RAD51B: variants seen among roughly 807,000 people sequenced by gnomAD.
The protein encoded by RAD51B is DNA repair protein RAD51 homolog 2.
Under a neutral mutation model 42.2 loss-of-function variants are expected in RAD51B, and 38 were observed. The observed-to-expected ratio is 0.90, with a 90% CI of 0.70 to 1.18. The LOEUF (loss-of-function observed/expected upper bound fraction) is 1.18. Among genes scored for constraint, RAD51B ranks in the 50% most tolerant of loss-of-function variants. The pLI, the probability that RAD51B is intolerant of heterozygous loss-of-function variation, is 0.00. For missense variants in RAD51B, 373 were observed against 400.7 expected, an observed-to-expected ratio of 0.93 and a Z score of 0.59; for synonymous variants, 154 against 145.2, an observed-to-expected ratio of 1.06 and a Z score of -0.43.
At chr14:68,632,653 A>C (rs1595038546) in intron 10 of RAD51B, among the ~76,000 whole-genome samples, 2 of 152,048 alleles carry the variant, frequency 1.3e-5, no homozygotes, top group Admixed American at 6.6e-5. Flanking sequence ...GACCTAACAC[A>C]CCATGCCCCT....
intron 7 of RAD51B, among the ~76,000 whole-genome samples, chr14:68,217,308 A>G (rs1196997574): frequency 6.6e-6 from 1 of 152,114 alleles, no homozygotes; most frequent in Non-Finnish European, 1.5e-5. Context: ...TTAAAATCTT[A>G]TGTTATCAGT....
In RAD51B at chr14:68,595,397, C is replaced by T. The variant is rs963918; in HGVS notation, c.*794C>T. 680,815 of 1,066,042 alleles carry T rather than the reference C, an allele frequency of 0.64. 217,481 individuals carry two copies. The highest frequency in any genetic ancestry group is 0.7 in the East Asian group (14,235 of 20,204). 66.0% of individuals were successfully genotyped at this position (1,066,042 alleles called of 1,614,324 possible). The stretch of plus-strand genomic sequence containing the variant: ...CCTGTTTTGTCTGAAATAATGCATC[C>T]ATGAACAAATGAATTGAGTATAACT... On this transcript the variant is annotated 3_prime_UTR_variant, in exon 11 of 11. Coordinates refer to the RAD51B transcript ENST00000487270.
chr14:68,049,154 A>G (rs2140414750), intron 7 of RAD51B, among the ~76,000 whole-genome samples: 1 of 152,148 alleles, frequency 6.6e-6, no homozygotes, highest in Non-Finnish European at 1.5e-5. Context: ...TGGGAATTGA[A>G]CAATGAGAAC....
chr14:68,043,265 T>A (rs1368248353), intron 7 of RAD51B, among the ~76,000 whole-genome samples: 1 of 152,232 alleles, frequency 6.6e-6, no homozygotes, highest in African/African-American at 2.4e-5. Flanking sequence ...ATTGGCTTTT[T>A]TGGGGTTGGC....
At chr14:68,273,903 C>A (rs2081171032) in intron 7 of RAD51B, among the ~76,000 whole-genome samples, 1 of 152,074 alleles carries the variant, frequency 6.6e-6, no homozygotes, top group Admixed American at 6.5e-5. Context: ...ATATCCTGTT[C>A]TACATATTAT....
chr14:68,429,428 CTT>C (rs2140130708), intron 9 of RAD51B, among the ~76,000 whole-genome samples: 1 of 152,270 alleles, frequency 6.6e-6, no homozygotes, highest in Non-Finnish European at 1.5e-5. Flanking sequence ...TGTTTCCTGA[CTT>C]TTTAATGATC....
intron 7 of RAD51B, among the ~76,000 whole-genome samples, chr14:68,283,838 T>C (rs1179290627): frequency 1.3e-5 from 2 of 152,204 alleles, no homozygotes; most frequent in African/African-American, 2.4e-5. Flanking sequence ...CCAAGAGAAG[T>C]AGGCCAAAGA....
chr14:68,161,672 A>T (rs1416615787), intron 7 of RAD51B, among the ~76,000 whole-genome samples: 1 of 152,216 alleles, frequency 6.6e-6, no homozygotes, highest in African/African-American at 2.4e-5. Context: ...GAGGAAGTTG[A>T]GGATTAATTA....
At chr14:68,067,931 CAAAAAAAA>C (rs913150528) in intron 7 of RAD51B, among the ~76,000 whole-genome samples, 25 of 24,700 alleles carry the variant, frequency 1.0e-3, no homozygotes, top group African/African-American at 2.3e-3. Flanking sequence ...GACTCCATCT[CAAAAAAAA>C]AAAAAAAAAA....
chr14:68,481,372 A>G (rs1206948019), downstream of RAD51B, among the ~76,000 whole-genome samples: 1 of 152,218 alleles, frequency 6.6e-6, no homozygotes, highest in Non-Finnish European at 1.5e-5. Context: ...CTAATTCCAA[A>G]TGTCAAAAAT....
intron 7 of RAD51B, among the ~76,000 whole-genome samples, chr14:68,125,952 A>C (rs73286279): frequency 0.014 from 2,157 of 152,264 alleles, 51 homozygotes; most frequent in African/African-American, 0.048. Flanking sequence ...GGAGTTATCA[A>C]AATGATACTT....
intron 7 of RAD51B, among the ~76,000 whole-genome samples, chr14:68,126,980 C>T (rs2077773967): frequency 6.6e-6 from 1 of 152,126 alleles, no homozygotes; most frequent in Non-Finnish European, 1.5e-5. Context: ...TAGAACCTTC[C>T]AGAGTATAAG....
chr14:68,586,183 C>G (rs1052322148), intron 10 of RAD51B, among the ~76,000 whole-genome samples: 2 of 152,234 alleles, frequency 1.3e-5, no homozygotes, highest in East Asian at 3.9e-4. Context: ...TAGTCCTGTT[C>G]CGAGGACAGT....
chr14:68,443,853 A>C (rs899585728), intron 9 of RAD51B, among the ~76,000 whole-genome samples: 1 of 152,080 alleles, frequency 6.6e-6, no homozygotes, highest in African/African-American at 2.4e-5. Context: ...AAAAAAAAAA[A>C]CAAAACTTTC....
Position 68,624,080 on chromosome 14 carries a change from G to A in RAD51B, c.1037-26701G>A, listed in dbSNP as rs192700858. Among the ~76,000 whole-genome samples, 81 of 152,256 alleles carry A rather than the reference G, an allele frequency of 5.3e-4. No individual in the cohort carries two copies. The East Asian group carries it at 0.012, about 23-fold the overall frequency. Reference sequence around the variant, plus strand: ...TTTTCTCAAGAGAACAACCTCCCCTGTGGAGGTCCAGGCATCTCACCAGAG... The same window carrying A: ...TTTTCTCAAGAGAACAACCTCCCCTATGGAGGTCCAGGCATCTCACCAGAG... On this transcript the variant is annotated intron_variant, in intron 10 of 11. Transcript: ENST00000488612.
chr14:68,487,081 A>G (rs1182222992), intron 10 of RAD51B, among the ~76,000 whole-genome samples: 1 of 152,198 alleles, frequency 6.6e-6, no homozygotes, highest in African/African-American at 2.4e-5. Flanking sequence ...CACATGGACA[A>G]CAGTTCCTTG....
chr14:68,514,486 C>T lies in RAD51B; in HGVS notation c.1036+46236C>T, dbSNP rs1029484477. ...TACCCTGCTCTGACGCTCTGAAAGA[C>T]ATCATGCCTTGGGTTCCCCAGCTCC... On this transcript the variant is annotated intron_variant, in intron 10 of 10. Transcript: ENST00000487270. Among the ~76,000 whole-genome samples, 9 of 152,216 alleles carry T rather than the reference C, an allele frequency of 5.9e-5. No individual in the cohort carries two copies. In the South Asian group the frequency reaches 8.3e-4, roughly 14 times the overall value.
chr14:68,103,875 G>A (rs1566647901), intron 7 of RAD51B, among the ~76,000 whole-genome samples: 1 of 152,170 alleles, frequency 6.6e-6, no homozygotes, highest in Admixed American at 6.5e-5. Flanking sequence ...CTGTAAAAAT[G>A]TAGGGAATTT....
chr14:68,627,620 T>C (rs926530748), intron 10 of RAD51B, among the ~76,000 whole-genome samples: 2 of 152,196 alleles, frequency 1.3e-5, no homozygotes, highest in Non-Finnish European at 2.9e-5. Flanking sequence ...AAGCCTGCCG[T>C]TGGCTTCCCA....
Sources: gnomAD v4.1 joint callset for allele counts (sites outside exome capture counted in the v4.1 genomes callset) on GRCh38, gnomAD v4.1.1 for gene constraint, MANE v1.5 for transcripts, NCBI Gene and HGNC (gene_info 2026-07-23, HGNC 2026-07-21) for gene names.